AMBRA1: variants seen among roughly 807,000 people sequenced by gnomAD.
AMBRA1 encodes autophagy and beclin 1 regulator 1.
In AMBRA1, 47 loss-of-function variants were observed where a neutral mutation model predicts 125.4. The observed-to-expected ratio is 0.37, with a 90% CI of 0.30 to 0.48. AMBRA1 has a LOEUF of 0.48. Ranked by LOEUF, AMBRA1 falls within the 20% of genes least tolerant of loss-of-function variation. The pLI is 0.99. For missense variants in AMBRA1, 1,331 were observed against 1,693.4 expected (o/e 0.79, Z 3.76); for synonymous variants, 626 against 655.5 (o/e 0.95, Z 0.69).
At chr11:46,450,938 G>A (rs1311731721) in intron 11 of AMBRA1, among the ~76,000 whole-genome samples, 2 of 152,332 alleles carry the variant, frequency 1.3e-5, no homozygotes, top group East Asian at 3.9e-4. Context: ...GGTGTGGACA[G>A]TGGGGAAGCC....
chr11:46,586,611 T>C (rs1369017178), intron 1 of AMBRA1, among the ~76,000 whole-genome samples: 2 of 152,242 alleles, frequency 1.3e-5, no homozygotes, highest in East Asian at 1.9e-4. Flanking sequence ...TGTGTTCTTT[T>C]GGAAAACTTT....
intron 15 of AMBRA1, among the ~76,000 whole-genome samples, chr11:46,413,020 CA>C (rs1946369317): frequency 6.6e-6 from 1 of 152,222 alleles, no homozygotes; most frequent in African/African-American, 2.4e-5. Flanking sequence ...TGGTTAGTGA[CA>C]ACAAACTGTT....
At chr11:46,437,311 T>C (rs1947769741) in intron 12 of AMBRA1, among the ~76,000 whole-genome samples, 1 of 152,186 alleles carries the variant, frequency 6.6e-6, no homozygotes. Flanking sequence ...TCAATAGCTA[T>C]CTCCCAAATT....
intron 5 of AMBRA1, 139 bp from the exon 6 acceptor site, chr11:46,544,180 A>G: frequency 1.6e-6 from 1 of 632,904 alleles, no homozygotes; most frequent in Non-Finnish European, 2.8e-6. Context: ...CAAGACTTCC[A>G]AAACTTTCAA....
intron 11 of AMBRA1, among the ~76,000 whole-genome samples, chr11:46,473,891 C>T (rs1432832604): frequency 6.6e-6 from 1 of 152,216 alleles, no homozygotes; most frequent in Admixed American, 6.5e-5. Context: ...ACCTTGTGAT[C>T]GGCCCGCCTC....
In AMBRA1 at chr11:46,485,373, T is replaced by C. The variant is rs574118260; in HGVS notation, c.2521+8235A>G. ...ACTCAAAAGATGAACGGGGACACAT[T>C]TGCAGAGCTTCTTCAAACTGTACGA... On this transcript the variant is annotated intron_variant, in intron 11 of 17. Coordinates refer to ENST00000683756, the MANE Select transcript of AMBRA1 (RefSeq NM_001387011.1). 1.1e-4 allele frequency among the ~76,000 whole-genome samples: 16 copies of C among 152,330 alleles called. No homozygotes were observed. In the East Asian group the frequency reaches 2.5e-3, roughly 24 times the overall value.
intron 1 of AMBRA1, among the ~76,000 whole-genome samples, chr11:46,592,560 C>T (rs561340167): frequency 3.9e-4 from 60 of 152,154 alleles, no homozygotes; most frequent in Admixed American, 2.6e-3. Flanking sequence ...GAGTTCAAGA[C>T]CAGCCTGGCC....
chr11:46,468,743 C>T (rs913999361), intron 11 of AMBRA1, among the ~76,000 whole-genome samples: 36 of 146,050 alleles, frequency 2.5e-4, no homozygotes, highest in Non-Finnish European at 1.4e-4. Context: ...ACCTGGGAGG[C>T]GGAGCTTGCA....
chr11:46,504,732 A>C (rs1950967765), intron 9 of AMBRA1: 1 of 152,266 alleles, frequency 6.6e-6, no homozygotes, highest in South Asian at 2.1e-4. Flanking sequence ...CCACCCTCCC[A>C]AGAGATAAAT....
intron 9 of AMBRA1, among the ~76,000 whole-genome samples, chr11:46,500,795 T>A (rs1037061327): frequency 6.6e-6 from 1 of 152,210 alleles, no homozygotes; most frequent in African/African-American, 2.4e-5. Context: ...CAGTCTTCAA[T>A]ACCCAGCTCA....
chr11:46,461,260 A>T (rs1162129664), intron 11 of AMBRA1, among the ~76,000 whole-genome samples: 1 of 152,148 alleles, frequency 6.6e-6, no homozygotes, highest in African/African-American at 2.4e-5. Context: ...AAAATATAAT[A>T]AACTTGTTGA....
At chr11:46,496,460 T>A (rs1402149889) in intron 9 of AMBRA1, among the ~76,000 whole-genome samples, 1 of 152,134 alleles carries the variant, frequency 6.6e-6, no homozygotes, top group Non-Finnish European at 1.5e-5. Context: ...TCCACACCCA[T>A]GAGAGAGAGC....
intron 9 of AMBRA1, among the ~76,000 whole-genome samples, chr11:46,507,473 C>T (rs548424843): frequency 6.1e-4 from 86 of 139,892 alleles, no homozygotes; most frequent in African/African-American, 2.1e-3. Flanking sequence ...AGCGAGACTC[C>T]GTCTCAAAAA....
At chr11:46,471,737 C>A (rs1949601553) in intron 11 of AMBRA1, among the ~76,000 whole-genome samples, 1 of 151,768 alleles carries the variant, frequency 6.6e-6, no homozygotes, top group South Asian at 2.1e-4. Flanking sequence ...AAGCAATTCC[C>A]CTGCCTCAGC....
intron 12 of AMBRA1, among the ~76,000 whole-genome samples, chr11:46,439,719 C>T (rs1435080867): frequency 1.3e-5 from 2 of 152,152 alleles, no homozygotes; most frequent in African/African-American, 4.8e-5. Context: ...GTAGGAAGCT[C>T]CTATTATAAG....
At chr11:46,401,598 G>A (rs2136585863) in intron 17 of AMBRA1, among the ~76,000 whole-genome samples, 1 of 152,334 alleles carries the variant, frequency 6.6e-6, no homozygotes, top group East Asian at 1.9e-4. Flanking sequence ...GGGTGCTGCT[G>A]CAGCCAAGCC....
chr11:46,527,864 T>C (rs1311859510), intron 7 of AMBRA1, among the ~76,000 whole-genome samples: 3 of 152,000 alleles, frequency 2.0e-5, no homozygotes, highest in Admixed American at 6.6e-5. Flanking sequence ...GGTAGGATTG[T>C]AAAATGGTTC....
At chr11:46,426,658 A>G (rs1232020309) in intron 14 of AMBRA1, among the ~76,000 whole-genome samples, 1 of 152,020 alleles carries the variant, frequency 6.6e-6, no homozygotes, top group Admixed American at 6.6e-5. Context: ...TACTTCTCCT[A>G]TACTTCTTCC....
At chr11:46,446,482 G>C (rs898841805) in intron 11 of AMBRA1, among the ~76,000 whole-genome samples, 1 of 152,192 alleles carries the variant, frequency 6.6e-6, no homozygotes, top group Non-Finnish European at 1.5e-5. Flanking sequence ...AGACTGCTAA[G>C]GGATTTCTAA....
Sources: gnomAD v4.1 joint callset for allele counts (sites outside exome capture counted in the v4.1 genomes callset) on GRCh38, gnomAD v4.1.1 for gene constraint, MANE v1.5 for transcripts, NCBI Gene and HGNC (gene_info 2026-07-23, HGNC 2026-07-21) for gene names.